PALS1: variants seen among roughly 807,000 people sequenced by gnomAD.
PALS1 encodes the protein protein associated with LIN7 1, MAGUK p55 family member.
In PALS1, 31 loss-of-function variants were observed where a neutral mutation model predicts 78.9. That is an observed-to-expected ratio of 0.39 (90% CI 0.30 to 0.53). The LOEUF (loss-of-function observed/expected upper bound fraction) is 0.53, where lower values mean the gene tolerates loss of function less well. Among genes scored for constraint, PALS1 ranks in the 20% least tolerant of loss-of-function variants. The pLI is 0.67. For missense variants in PALS1, 704 were observed against 826.5 expected (o/e 0.85, Z 1.82); for synonymous variants, 276 against 270.9 (o/e 1.02, Z -0.18).
intron 1 of PALS1, among the ~76,000 whole-genome samples, chr14:67,250,578 C>T (rs2084050507): frequency 6.6e-6 from 1 of 152,118 alleles, no homozygotes; most frequent in African/African-American, 2.4e-5. Flanking sequence ...TCATCTGGGC[C>T]CTTCCTCTGA....
intron 8 of PALS1, among the ~76,000 whole-genome samples, chr14:67,310,820 G>C (rs1336781935): frequency 6.6e-6 from 1 of 151,930 alleles, no homozygotes; most frequent in Non-Finnish European, 1.5e-5. Flanking sequence ...TTTTTAAAAA[G>C]CCATTTATCT....
chr14:67,323,615 A>ATATATAT (rs368656960), intron 13 of PALS1, 87 bp from the exon 14 acceptor site: 7 of 260,326 alleles, frequency 2.7e-5, no homozygotes, highest in African/African-American at 1.7e-4. Context: ...CCCTTAATCT[A>ATATATAT]ATATATATAT....
At chr14:67,277,042 T>C (rs113018517) in intron 2 of PALS1, among the ~76,000 whole-genome samples, 1 of 152,200 alleles carries the variant, frequency 6.6e-6, no homozygotes, top group African/African-American at 2.4e-5. Flanking sequence ...AATCCACTCC[T>C]GGATTTTTAA....
chr14:67,254,729 CT>C (rs2140463453), intron 1 of PALS1, among the ~76,000 whole-genome samples: 1 of 152,318 alleles, frequency 6.6e-6, no homozygotes, highest in Admixed American at 6.5e-5. Flanking sequence ...CCCCACCTGC[CT>C]TTAATGGCCA....
chr14:67,333,008 A>T lies in PALS1; in HGVS notation c.*52A>T. On this transcript the variant is annotated 3_prime_UTR_variant, in exon 15 of 15. Transcript: ENST00000261681. ...GGACTTGATCTGGCAAAAACTGCCA[A>T]TAGGAGGACTGCCCGACACTGCAGC... 1 of 1,520,086 alleles carries T rather than the reference A, an allele frequency of 6.6e-7. No homozygotes were observed. 94.2% of individuals were successfully genotyped at this position (1,520,086 alleles called of 1,614,324 possible). A position where few individuals can be genotyped will look rare whatever the true frequency, so the allele number is the denominator to read the frequency against.
At chr14:67,242,417 C>G (rs947749609) in intron 1 of PALS1, among the ~76,000 whole-genome samples, 2 of 152,044 alleles carry the variant, frequency 1.3e-5, no homozygotes, top group African/African-American at 2.4e-5. Flanking sequence ...ATTTGACTGA[C>G]GCAGTGAAAG....
intron 8 of PALS1, among the ~76,000 whole-genome samples, chr14:67,310,142 A>G (rs539512207): frequency 6.4e-4 from 97 of 152,188 alleles, no homozygotes; most frequent in African/African-American, 2.2e-3. Context: ...ATAAATTTGT[A>G]TAATCTTTTT....
chr14:67,331,805 A>G (rs1397786412), intron 14 of PALS1, among the ~76,000 whole-genome samples: 1 of 152,120 alleles, frequency 6.6e-6, no homozygotes, highest in Non-Finnish European at 1.5e-5. Flanking sequence ...TTCTTCCAAT[A>G]ATCTTGAGCT....
chr14:67,246,444 A>G (rs1362078083), intron 1 of PALS1, among the ~76,000 whole-genome samples: 4 of 152,100 alleles, frequency 2.6e-5, no homozygotes, highest in Admixed American at 6.6e-5. Context: ...TCCAGGACTC[A>G]AGCCATCCTC....
At position 67,323,615 on chromosome 14, in the gene PALS1, A is replaced by AATATAT. The variant is rs150511527; in HGVS notation, c.1741-70_1741-65dup. ...GGCAACAGAGCAAGTCCCTTAATCTAATATATATATATATATATATATCAG... is the reference window on the plus strand; with the variant it reads ...GGCAACAGAGCAAGTCCCTTAATCTAATATATATATATATATATATATATATATCAG... On this transcript the variant is annotated intron_variant, in intron 13 of 14. Coordinates refer to ENST00000261681, the MANE Select transcript of PALS1 (RefSeq NM_022474.4). 5.8e-3 allele frequency: 1,499 copies of AATATAT among 260,220 alleles called. 8 individuals carry two copies. Among genetic ancestry groups the AATATAT allele is most frequent in the African/African-American group, 0.01 (427 of 41,158 alleles). The allele number at this position is 260,220 out of a possible 1,614,324, so 16.1% of individuals were successfully genotyped here.
intron 1 of PALS1, among the ~76,000 whole-genome samples, chr14:67,260,775 T>G (rs1035391695): frequency 1.3e-5 from 2 of 152,196 alleles, no homozygotes; most frequent in African/African-American, 4.8e-5. Flanking sequence ...AGTTGACTAT[T>G]AAATTAATAA....
intron 4 of PALS1, among the ~76,000 whole-genome samples, chr14:67,300,421 G>A: frequency 6.7e-6 from 1 of 150,278 alleles, no homozygotes; most frequent in East Asian, 2.0e-4. Flanking sequence ...TCTACCTCCT[G>A]GGTTCAAGCC....
chr14:67,303,628 ATG>A, intron 8 of PALS1, 29 bp downstream of exon 8: 1 of 1,532,452 alleles, frequency 6.5e-7, no homozygotes, highest in Non-Finnish European at 9.0e-7. Context: ...TTCATTATTT[ATG>A]TGTTTGTGGA....
intron 1 of PALS1, among the ~76,000 whole-genome samples, chr14:67,246,649 G>GTTTTT (rs71129814): frequency 2.7e-5 from 3 of 112,202 alleles, no homozygotes; most frequent in Non-Finnish European, 3.5e-5. Context: ...CCTACTATAG[G>GTTTTT]TTTTTTTTTT....
At chr14:67,298,515 CA>C (rs59351794) in intron 4 of PALS1, among the ~76,000 whole-genome samples, 22,624 of 120,496 alleles carry the variant, frequency 0.19, 3,123 homozygotes, top group East Asian at 0.45. Context: ...AACTCCGTCT[CA>C]AAAAAAAAAA....
chr14:67,275,192 T>C (rs867345395), intron 2 of PALS1, among the ~76,000 whole-genome samples: 2 of 152,224 alleles, frequency 1.3e-5, no homozygotes, highest in Admixed American at 6.5e-5. Flanking sequence ...ATTCCTGTCT[T>C]GTGGCAGTTT....
At chr14:67,267,759 G>C (rs1346972925) in intron 1 of PALS1, among the ~76,000 whole-genome samples, 1 of 152,082 alleles carries the variant, frequency 6.6e-6, no homozygotes. Flanking sequence ...GTCAGAATCT[G>C]TTTCCATCTC....
At chr14:67,284,387 C>T (rs1238787087) in intron 3 of PALS1, among the ~76,000 whole-genome samples, 3 of 141,874 alleles carry the variant, frequency 2.1e-5, no homozygotes, top group Admixed American at 7.3e-5. Flanking sequence ...CTCTTGAGCC[C>T]AGGAGTTTGA....
At chr14:67,282,409 GT>G (rs2084619555) in intron 3 of PALS1, among the ~76,000 whole-genome samples, 2 of 152,072 alleles carry the variant, frequency 1.3e-5, no homozygotes, top group African/African-American at 4.8e-5. Context: ...GAAGCCTTCA[GT>G]TTCTAAACAA....
Sources: allele counts gnomAD v4.1 joint callset (sites outside exome capture counted in the v4.1 genomes callset), GRCh38; gene constraint gnomAD v4.1.1; transcripts MANE v1.5; gene names NCBI Gene and HGNC (gene_info 2026-07-23, HGNC 2026-07-21).